The following GMDS variants were observed in gnomAD, a reference collection of about 807,000 sequenced individuals.
GMDS encodes the protein GDP-mannose 4,6-dehydratase, also known as GDP-mannose 4,6 dehydratase.
GMDS carries 20 observed loss-of-function variants against 49.9 expected under a neutral mutation model. The ratio of observed to expected loss-of-function variants is 0.40; its 90% CI spans 0.28 to 0.58. The LOEUF (loss-of-function observed/expected upper bound fraction) is 0.58, where lower values mean the gene tolerates loss of function less well. Ranked by LOEUF, GMDS falls within the 20% of genes least tolerant of loss-of-function variation. The pLI is 0.42. For missense variants in GMDS, 362 were observed against 481.4 expected (o/e 0.75, Z 2.32); for synonymous variants, 177 against 178.6 (o/e 0.99, Z 0.07).
At chr6:1,798,199 C>A (rs1463062160) in intron 7 of GMDS, among the ~76,000 whole-genome samples, 2 of 150,620 alleles carry the variant, frequency 1.3e-5, no homozygotes, top group Non-Finnish European at 3.0e-5. Flanking sequence ...AACAACCTTG[C>A]TTAAATTTTG....
chr6:1,905,400 G>A (rs1045814544), intron 7 of GMDS, among the ~76,000 whole-genome samples: 14 of 143,892 alleles, frequency 9.7e-5, no homozygotes, highest in Non-Finnish European at 2.1e-4. Flanking sequence ...GCGTGTAGGT[G>A]GGACCTCAAA....
At chr6:1,904,044 G>A (rs1760632838) in intron 7 of GMDS, among the ~76,000 whole-genome samples, 1 of 152,184 alleles carries the variant, frequency 6.6e-6, no homozygotes, top group Non-Finnish European at 1.5e-5. Flanking sequence ...GCTTAGGGGA[G>A]GAAGGCAAGC....
In GMDS at chr6:1,836,346, C is replaced by T. The variant is rs571813152; in HGVS notation, c.771+93757G>A. On this transcript the variant is annotated intron_variant, in intron 7 of 10. Transcript: ENST00000380815. This position sits in a 1 kb window ranked among gnomAD's most constrained non-coding sequence, Gnocchi z 4.2. ...GAGGCCAAATGAAATGCTCACAGAT[C>T]GGCATATGTATGTTACCACGTCACC... Among the ~76,000 whole-genome samples the T allele has an allele frequency of 3.3e-5, 5 of 152,242 alleles. No individual in the cohort carries two copies. Among genetic ancestry groups the T allele is most frequent in the South Asian group, 2.1e-4 (1 of 4,820 alleles).
intron 4 of GMDS, among the ~76,000 whole-genome samples, chr6:2,050,624 C>T (rs1429473261): frequency 6.6e-6 from 1 of 152,098 alleles, no homozygotes; most frequent in Non-Finnish European, 1.5e-5. Flanking sequence ...ATGTGAAAAA[C>T]CTCAATAAAA....
intron 4 of GMDS, among the ~76,000 whole-genome samples, chr6:2,013,225 A>G (rs967906315): frequency 2.6e-5 from 4 of 152,218 alleles, no homozygotes; most frequent in Non-Finnish European, 5.9e-5. Flanking sequence ...TAGACAAGAG[A>G]GTGAAGAAAC....
intron 4 of GMDS, among the ~76,000 whole-genome samples, chr6:2,092,340 A>G (rs1404619259): frequency 6.6e-6 from 1 of 151,930 alleles, no homozygotes; most frequent in Non-Finnish European, 1.5e-5. Context: ...TTCTACTCAC[A>G]CATTGCCCTT....
At chr6:1,796,207 C>T (rs868795316) in intron 7 of GMDS, among the ~76,000 whole-genome samples, 13 of 152,002 alleles carry the variant, frequency 8.6e-5, no homozygotes, top group African/African-American at 3.1e-4. Context: ...CCTCATAGTT[C>T]CTCCTTGTAG....
chr6:1,722,379 G>A (rs1410410351), intron 9 of GMDS, among the ~76,000 whole-genome samples: 3 of 151,656 alleles, frequency 2.0e-5, no homozygotes, highest in Admixed American at 6.6e-5. Flanking sequence ...GAGCCACCGC[G>A]CCCGGCCAAA....
At chr6:1,943,614 C>T (rs1041851281) in intron 6 of GMDS, among the ~76,000 whole-genome samples, 4 of 152,126 alleles carry the variant, frequency 2.6e-5, no homozygotes, top group Admixed American at 6.5e-5. Flanking sequence ...TGCCATAATT[C>T]CAGAGTCTCA....
chr6:1,685,055 T>G (rs529687878), intron 9 of GMDS, among the ~76,000 whole-genome samples: 1 of 149,480 alleles, frequency 6.7e-6, no homozygotes. Context: ...AAAAAAAAGG[T>G]AGACTTAATT....
chr6:2,145,817 C>G lies in GMDS; in HGVS notation c.103-21086G>C, dbSNP rs12529116. 4.0e-3 allele frequency among the ~76,000 whole-genome samples: 608 copies of G among 152,240 alleles called. 17 individuals are homozygous for G. The highest frequency in any genetic ancestry group is 0.037 in the Admixed American group (560 of 15,284). On this transcript the variant is annotated intron_variant, in intron 1 of 10. Transcript: ENST00000380815. ...CTGAGACAAGAGGATGCCTTGGGCC[C>G]AGAGTTCAGGACCAGCCTGGCTACA...
intron 4 of GMDS, among the ~76,000 whole-genome samples, chr6:2,068,216 C>A (rs139632635): frequency 2.0e-5 from 3 of 152,250 alleles, no homozygotes; most frequent in South Asian, 2.1e-4. Context: ...AACTCAACAA[C>A]GCTTCATGCT....
intron 9 of GMDS, among the ~76,000 whole-genome samples, chr6:1,715,185 T>C (rs1766131404): frequency 6.6e-6 from 1 of 152,228 alleles, no homozygotes; most frequent in South Asian, 2.1e-4. Flanking sequence ...TATGACCTTT[T>C]CAAAGGTTGG....
At chr6:2,163,451 G>GAGAGAC (rs1377859146) in intron 1 of GMDS, among the ~76,000 whole-genome samples, 1 of 149,742 alleles carries the variant, frequency 6.7e-6, no homozygotes, top group East Asian at 1.9e-4. Flanking sequence ...GAGAGAGAGA[G>GAGAGAC]ATTTACTACA....
At chr6:1,797,981 T>C (rs2113650862) in intron 7 of GMDS, among the ~76,000 whole-genome samples, 1 of 152,366 alleles carries the variant, frequency 6.6e-6, no homozygotes, top group Non-Finnish European at 1.5e-5. Context: ...GTTCTAATGC[T>C]AGGAATGTCA....
At chr6:1,873,569 C>T (rs184192909) in intron 7 of GMDS, among the ~76,000 whole-genome samples, 169 of 152,158 alleles carry the variant, frequency 1.1e-3, no homozygotes, top group African/African-American at 4.0e-3. Flanking sequence ...TATTATTGTC[C>T]ACAATATTCA....
chr6:1,870,978 GT>G (rs1758707118), intron 7 of GMDS, among the ~76,000 whole-genome samples: 2 of 151,962 alleles, frequency 1.3e-5, no homozygotes, highest in Admixed American at 6.6e-5. Flanking sequence ...ACAAATCGAG[GT>G]TTGGGTGGCT....
chr6:2,228,923 C>T (rs1219740629), intron 1 of GMDS, among the ~76,000 whole-genome samples: 2 of 152,152 alleles, frequency 1.3e-5, no homozygotes, highest in Non-Finnish European at 2.9e-5. Context: ...CAGCCAGGCT[C>T]TGGGCAGCAA....
At chr6:2,064,478 T>C (rs777584205) in intron 4 of GMDS, among the ~76,000 whole-genome samples, 123 of 152,290 alleles carry the variant, frequency 8.1e-4, no homozygotes, top group Non-Finnish European at 1.6e-3. Context: ...TACTTTCCCA[T>C]TGTTTTTGTC....
Sources: gnomAD v4.1 joint callset for allele counts (sites outside exome capture counted in the v4.1 genomes callset) on GRCh38, gnomAD v4.1.1 for gene constraint, Gnocchi (gnomAD v3.1) non-coding constraint, MANE v1.5 for transcripts, NCBI Gene and HGNC (gene_info 2026-07-23, HGNC 2026-07-21) for gene names.